TAOK3: variants seen among roughly 807,000 people sequenced by gnomAD.
TAOK3 encodes serine/threonine-protein kinase TAO3.
Under a neutral mutation model 120.4 loss-of-function variants are expected in TAOK3, and 40 were observed. The observed-to-expected ratio is 0.33, with a 90% CI of 0.26 to 0.43. The LOEUF is 0.43. Among genes scored for constraint, TAOK3 ranks in the 20% least tolerant of loss-of-function variants. The pLI is 1.00. For synonymous variants in TAOK3, 355 were observed against 387.5 expected (o/e 0.92, Z 0.99); for missense variants, 821 against 1,112.1 (o/e 0.74, Z 3.72).
chr12:118,216,335 C>T (rs61945180), intron 9 of TAOK3, among the ~76,000 whole-genome samples: 18,498 of 152,174 alleles, frequency 0.12, 1,212 homozygotes, highest in Middle Eastern at 0.15. Context: ...CAGCCCACCA[C>T]GATCTCTTTA....
Position 118,264,780 on chromosome 12 carries a change from T to A in TAOK3, c.-89+1875A>T, listed in dbSNP as rs528415388. 2.3e-4 allele frequency among the ~76,000 whole-genome samples: 35 copies of A among 152,326 alleles called. No individual in the cohort carries two copies. The South Asian group carries it at 6.2e-3, about 27-fold the overall frequency. On this transcript the variant is annotated intron_variant, in intron 2 of 20. Coordinates refer to ENST00000392533, the MANE Select transcript of TAOK3 (RefSeq NM_016281.4). ...TGGGTGTGGTAGCTCATGCTTGTAA[T>A]CCCAGCTCTTTGGGAGGCAGAAGCA...
At chr12:118,305,629 G>C (rs1285445838) in intron 1 of TAOK3, among the ~76,000 whole-genome samples, 1 of 152,144 alleles carries the variant, frequency 6.6e-6, no homozygotes, top group Non-Finnish European at 1.5e-5. Context: ...TGGCGGCTGG[G>C]CGTGGTGGCT....
intron 17 of TAOK3, among the ~76,000 whole-genome samples, chr12:118,165,633 T>C (rs994972173): frequency 6.6e-6 from 1 of 152,214 alleles, no homozygotes; most frequent in Admixed American, 6.5e-5. Flanking sequence ...TCAGCTCCTC[T>C]ATAAGTCTTA....
intron 14 of TAOK3, among the ~76,000 whole-genome samples, chr12:118,187,452 T>C (rs1422629405): frequency 6.6e-6 from 1 of 152,208 alleles, no homozygotes; most frequent in Non-Finnish European, 1.5e-5. Context: ...TCCTCATTTA[T>C]ACACTACTGT....
intron 1 of TAOK3, among the ~76,000 whole-genome samples, chr12:118,294,078 T>A (rs2042585205): frequency 6.6e-6 from 1 of 152,148 alleles, no homozygotes; most frequent in Admixed American, 6.5e-5. Flanking sequence ...TAGACAGCAG[T>A]GGAGGTGGAG....
rs143611976 is a variant in TAOK3, at chr12:118,179,577, C to T, written c.1566+1794G>A. On this transcript the variant is annotated intron_variant, in intron 15 of 20. Coordinates refer to ENST00000392533, the MANE Select transcript of TAOK3 (RefSeq NM_016281.4). ...CAAACCTGCACGTTGTGCACATGTA[C>T]CCTAGAACTTAAAGCATAATAATAA... Among the ~76,000 whole-genome samples, 904 of 151,890 alleles carry T rather than the reference C, an allele frequency of 6.0e-3. 13 individuals carry two copies. The highest frequency in any genetic ancestry group is 0.021 in the African/African-American group (868 of 41,376).
chr12:118,235,788 A>C, intron 7 of TAOK3, 117 bp from the exon 8 acceptor site: 1 of 666,700 alleles, frequency 1.5e-6, no homozygotes, highest in Non-Finnish European at 2.5e-6. Context: ...AAACAAACAA[A>C]ACAAACCTTG....
intron 9 of TAOK3, among the ~76,000 whole-genome samples, chr12:118,227,064 GAAAA>G (rs774633175): frequency 2.6e-5 from 4 of 151,658 alleles, no homozygotes; most frequent in Non-Finnish European, 5.9e-5. Context: ...ATTTTGGTAA[GAAAA>G]AAACTTGTTA....
intron 5 of TAOK3, among the ~76,000 whole-genome samples, 199 bp from the exon 6 acceptor site, chr12:118,239,471 T>G (rs1593261989): frequency 6.6e-6 from 1 of 152,352 alleles, no homozygotes; most frequent in East Asian, 1.9e-4. Context: ...TATTTCTTGT[T>G]TGAAATTGGC....
chr12:118,255,532 G>A lies in TAOK3; in HGVS notation c.36C>T (p.Ala12=), dbSNP rs778618133. 28 of 1,613,846 alleles carry A rather than the reference G, an allele frequency of 1.7e-5. No homozygotes were observed. Among genetic ancestry groups the A allele is most frequent in the Admixed American group, 5.0e-5 (3 of 59,974 alleles). Residue 12 remains alanine, a synonymous_variant, in exon 3 of 21, where the codon GCC becomes GCT. Coordinates refer to ENST00000392533, the MANE Select transcript of TAOK3 (RefSeq NM_016281.4). ...CAGGATCATCTTTGTAGAATAGATCGGCAATCTCTGGGTCCTTCAGCACCC... is the reference window on the plus strand; with the variant it reads ...CAGGATCATCTTTGTAGAATAGATCAGCAATCTCTGGGTCCTTCAGCACCC... ...RKGVLKDPEI[A]DLFYKDDPEE...
chr12:118,224,973 C>CA (rs2039430027), intron 9 of TAOK3, among the ~76,000 whole-genome samples: 1 of 152,042 alleles, frequency 6.6e-6, no homozygotes, highest in Admixed American at 6.6e-5. Flanking sequence ...TTGGGCTGGG[C>CA]AAGGTGGCTC....
At chr12:118,356,776 G>T (rs1392066762) in intron 1 of TAOK3, among the ~76,000 whole-genome samples, 1 of 152,044 alleles carries the variant, frequency 6.6e-6, no homozygotes, top group Admixed American at 6.5e-5. Flanking sequence ...TAAAAAATTA[G>T]CCAGGCATGG....
At chr12:118,236,300 C>G (rs919565083) in intron 7 of TAOK3, 1 of 152,010 alleles carries the variant, frequency 6.6e-6, no homozygotes, top group Admixed American at 6.6e-5. Flanking sequence ...CCTGAAAGAT[C>G]AAAACAAACA....
intron 1 of TAOK3, among the ~76,000 whole-genome samples, chr12:118,334,703 C>T (rs182534892): frequency 1.5e-4 from 22 of 148,546 alleles, no homozygotes; most frequent in Admixed American, 8.7e-4. Context: ...GTGAAACTCT[C>T]GTCTCTACTA....
intron 1 of TAOK3, among the ~76,000 whole-genome samples, chr12:118,274,831 C>A (rs1043138045): frequency 4.6e-5 from 7 of 151,394 alleles, no homozygotes; most frequent in Non-Finnish European, 8.8e-5. Flanking sequence ...CAGGGTTTCA[C>A]CATGTTGGCC....
At chr12:118,301,841 CAAA>C (rs777882071) in intron 1 of TAOK3, among the ~76,000 whole-genome samples, 38 of 69,060 alleles carry the variant, frequency 5.5e-4, no homozygotes, top group South Asian at 5.0e-4. Context: ...GACTCCATCT[CAAA>C]AAAAAAAAAA....
At chr12:118,178,206 C>A (rs2036469458) in intron 15 of TAOK3, among the ~76,000 whole-genome samples, 1 of 152,202 alleles carries the variant, frequency 6.6e-6, no homozygotes, top group Admixed American at 6.5e-5. Flanking sequence ...CTCTCCTCAG[C>A]TTCCCAAAGT....
intron 10 of TAOK3, 54 bp from the exon 11 acceptor site, chr12:118,213,049 G>A: frequency 8.5e-7 from 1 of 1,169,650 alleles, no homozygotes; most frequent in Non-Finnish European, 1.2e-6. Flanking sequence ...AGAGCACACT[G>A]ATTACTTAAA....
rs2044487349 is a variant in TAOK3 at position 118,339,000 on chromosome 12, G to A, written c.-194+33648C>T. Among the ~76,000 whole-genome samples, 3 of 151,628 alleles carry A rather than the reference G, an allele frequency of 2.0e-5. No individual in the cohort carries two copies. In the South Asian group the frequency reaches 6.2e-4, roughly 31 times the overall value. On this transcript the variant is annotated intron_variant, in intron 1 of 20. Transcript: ENST00000392533. ...AAAAGCATTGCGTACCCTGGGACCA[G>A]CAAAGAGTGTGGTGTGCTGCTTGAG...
Sources: gnomAD v4.1 joint callset for allele counts (sites outside exome capture counted in the v4.1 genomes callset) on GRCh38, gnomAD v4.1.1 for gene constraint, MANE v1.5 for transcripts, NCBI Gene and HGNC (gene_info 2026-07-23, HGNC 2026-07-21) for gene names.